Variants in DMD observed in about 807,000 individuals in gnomAD.
DMD encodes the protein mutant dystrophin.
In DMD, 63 loss-of-function variants were observed where a neutral mutation model predicts 330.1. That is an observed-to-expected ratio of 0.19 (90% CI 0.16 to 0.24). DMD has a LOEUF of 0.24. Among genes scored for constraint, DMD ranks in the 10% least tolerant of loss-of-function variants. DMD has a pLI of 1.00. For synonymous variants in DMD, 1,223 were observed against 959.8 expected (o/e 1.27, Z -5.07); for missense variants, 3,344 against 2,684.1 (o/e 1.25, Z -5.43).
intron 2 of DMD, among the ~76,000 whole-genome samples, chrX:33,015,860 TG>T (rs2093791819): frequency 9.0e-6 from 1 of 111,204 alleles, no homozygotes; most frequent in South Asian, 3.9e-4. Context: ...ACATATATGT[TG>T]CGGCAATGAA....
At chrX:31,767,385 T>C (rs762742905) in intron 51 of DMD, among the ~76,000 whole-genome samples, 6 of 109,631 alleles carry the variant, frequency 5.5e-5, no homozygotes, top group Non-Finnish European at 9.5e-5. Context: ...TTGTTATAAT[T>C]TGGATGGAGA....
At chrX:32,448,355 C>T in intron 27 of DMD, 101 bp downstream of exon 27, 2 of 973,349 alleles carry the variant, frequency 2.1e-6, no homozygotes, top group Non-Finnish European at 2.9e-6. Context: ...GGAATTCAAG[C>T]CAAAGTTGTT....
chrX:32,722,543 G>T (rs1043682334), intron 7 of DMD, among the ~76,000 whole-genome samples: 3 of 110,113 alleles, frequency 2.7e-5, no homozygotes, highest in African/African-American at 9.9e-5. Context: ...ATATCCATTT[G>T]GGTAGTATGG....
chrX:32,377,768 G>A (rs1216808123), intron 34 of DMD, among the ~76,000 whole-genome samples: 2 of 111,235 alleles, frequency 1.8e-5, no homozygotes, highest in Non-Finnish European at 3.8e-5. Context: ...TGACAATTAC[G>A]TATTGCATGC....
intron 12 of DMD, among the ~76,000 whole-genome samples, chrX:32,599,920 T>A (rs188556112): frequency 2.0e-4 from 22 of 112,130 alleles, no homozygotes; most frequent in African/African-American, 7.1e-4. Flanking sequence ...TTTTTTTCTT[T>A]ATGACAAGAG....
At chrX:31,348,414 A>G in intron 61 of DMD, 142 bp downstream of exon 61, 1 of 599,639 alleles carries the variant, frequency 1.7e-6, no homozygotes, top group Non-Finnish European at 2.8e-6. Flanking sequence ...CAACCAAGTT[A>G]TATTTCAGGA....
At chrX:31,889,924 T>C (rs2094217632) in intron 47 of DMD, among the ~76,000 whole-genome samples, 1 of 110,601 alleles carries the variant, frequency 9.0e-6, no homozygotes, top group South Asian at 3.8e-4. Context: ...TATTTTTGTT[T>C]GCTCATTTTG....
intron 44 of DMD, among the ~76,000 whole-genome samples, chrX:32,175,930 C>T (rs1276186991): frequency 8.9e-6 from 1 of 111,924 alleles, no homozygotes; most frequent in Non-Finnish European, 1.9e-5. Flanking sequence ...TAAGAATAAA[C>T]TCAATTGAAG....
chrX:32,139,557 G>T (rs1344715768), intron 44 of DMD, among the ~76,000 whole-genome samples: 2 of 112,213 alleles, frequency 1.8e-5, no homozygotes, highest in Admixed American at 9.5e-5. Context: ...TATAGACATG[G>T]TTAATGTCAT....
At chrX:31,458,514 CAA>C (rs199537077) in intron 59 of DMD, among the ~76,000 whole-genome samples, 8,798 of 53,220 alleles carry the variant, frequency 0.17, 761 homozygotes, top group African/African-American at 0.35. Context: ...ATGTGATTTC[CAA>C]AAAAAAAAAA....
intron 2 of DMD, among the ~76,000 whole-genome samples, chrX:32,888,313 C>T (rs377592105): frequency 1.0e-4 from 11 of 109,935 alleles, no homozygotes; most frequent in South Asian, 4.0e-4. Context: ...TTGCTCCCTA[C>T]GCCCCCACCC....
At chrX:31,682,756 A>C (rs1459284473) in intron 52 of DMD, among the ~76,000 whole-genome samples, 1 of 112,218 alleles carries the variant, frequency 8.9e-6, no homozygotes, top group Non-Finnish European at 1.9e-5. Context: ...CTATGCTAGC[A>C]ATATTTTTTA....
chrX:32,686,852 G>A (rs2062921129), intron 9 of DMD, among the ~76,000 whole-genome samples: 1 of 110,902 alleles, frequency 9.0e-6, no homozygotes, highest in Non-Finnish European at 1.9e-5. Context: ...TGATGAATTA[G>A]CTTAAAATAA....
intron 41 of DMD, among the ~76,000 whole-genome samples, chrX:32,332,362 C>A (rs12007059): frequency 1.9e-5 from 2 of 107,474 alleles, no homozygotes; most frequent in African/African-American, 6.9e-5. Context: ...TGAGAACTTT[C>A]CTGGTCATGC....
intron 54 of DMD, among the ~76,000 whole-genome samples, chrX:31,651,378 C>A: frequency 9.0e-6 from 1 of 111,129 alleles, no homozygotes; most frequent in Non-Finnish European, 1.9e-5. Context: ...GACAAAGCTA[C>A]TCAAAATGTG....
intron 1 of DMD, among the ~76,000 whole-genome samples, chrX:33,204,889 T>C (rs189977861): frequency 7.3e-4 from 82 of 112,693 alleles, no homozygotes; most frequent in Middle Eastern, 4.6e-3. Flanking sequence ...TTTCAGACAT[T>C]TAAAGTAAAA....
chrX:33,112,914 T>C (rs573883283), intron 1 of DMD, among the ~76,000 whole-genome samples: 7 of 108,479 alleles, frequency 6.5e-5, no homozygotes, highest in Non-Finnish European at 1.3e-4. Flanking sequence ...GACTGCGCCA[T>C]TGCACTCCAG....
chrX:32,243,548 G>A (rs1430928702), intron 43 of DMD, among the ~76,000 whole-genome samples: 1 of 111,828 alleles, frequency 8.9e-6, no homozygotes, highest in Non-Finnish European at 1.9e-5. Context: ...CAAACATGAA[G>A]TTAGCACTAC....
intron 44 of DMD, among the ~76,000 whole-genome samples, chrX:32,190,153 C>T (rs1046181924): frequency 8.1e-5 from 9 of 110,775 alleles, no homozygotes; most frequent in Non-Finnish European, 1.7e-4. Context: ...AGTTGTGATG[C>T]CAAACATCCT....
Sources: allele counts gnomAD v4.1 joint callset (sites outside exome capture counted in the v4.1 genomes callset), GRCh38; gene constraint gnomAD v4.1.1; transcripts MANE v1.5; gene names NCBI Gene and HGNC (gene_info 2026-07-23, HGNC 2026-07-21).